TGFA: variants seen among roughly 807,000 people sequenced by gnomAD.
TGFA encodes the protein transforming growth factor alpha.
A neutral mutation model predicts 21.7 loss-of-function variants in TGFA; 12 were observed. The observed-to-expected ratio is 0.55, with a 90% CI of 0.35 to 0.90. The LOEUF is 0.90. Among genes scored for constraint, TGFA ranks in the 40% least tolerant of loss-of-function variants. The probability of loss-of-function intolerance (pLI) is 0.01; values close to 1 mark genes in which losing one functional copy is unlikely to be tolerated. For synonymous variants in TGFA, 79 were observed against 88.1 expected (o/e 0.90, Z 0.58); for missense variants, 178 against 210.8 (o/e 0.84, Z 0.96).
chr2:70,513,538 G>A (rs1158359996), intron 2 of TGFA, among the ~76,000 whole-genome samples: 1 of 152,132 alleles, frequency 6.6e-6, no homozygotes, highest in African/African-American at 2.4e-5. Context: ...AGTGGGACAG[G>A]CATTTTCTTC....
intron 5 of TGFA, among the ~76,000 whole-genome samples, chr2:70,452,346 T>C (rs1670083598): frequency 6.6e-6 from 1 of 152,196 alleles, no homozygotes; most frequent in Non-Finnish European, 1.5e-5. Context: ...ACAGAGCCAC[T>C]GATGCTCCGA....
intron 2 of TGFA, among the ~76,000 whole-genome samples, chr2:70,512,198 G>A (rs978504521): frequency 6.6e-6 from 1 of 152,124 alleles, no homozygotes; most frequent in South Asian, 2.1e-4. Flanking sequence ...TTTTCTCCTG[G>A]CCCAGCCCTC....
chr2:70,482,022 T>G (rs143017513), intron 2 of TGFA, among the ~76,000 whole-genome samples: 1 of 152,334 alleles, frequency 6.6e-6, no homozygotes, highest in Non-Finnish European at 1.5e-5. Flanking sequence ...TAATTTGTCA[T>G]ATAGCAATAA....
chr2:70,495,087 T>A (rs1553498159), intron 2 of TGFA, among the ~76,000 whole-genome samples: 2 of 152,242 alleles, frequency 1.3e-5, no homozygotes, highest in African/African-American at 2.4e-5. Context: ...AGTATTTCAA[T>A]CACCTAGAAC....
rs3771500 is a variant in TGFA at position 70,490,653 on chromosome 2, A to G, written c.94+24206T>C. On this transcript the variant is annotated intron_variant, in intron 2 of 5. Coordinates refer to ENST00000295400, the MANE Select transcript of TGFA (RefSeq NM_003236.4). Reference sequence around the variant, plus strand: ...CCAAAAAACACAAATGTCTTTCAGCATCATGTTGAGTAAATAATCAAGGGG... The same window carrying G: ...CCAAAAAACACAAATGTCTTTCAGCGTCATGTTGAGTAAATAATCAAGGGG... Among the ~76,000 whole-genome samples, 155 of 152,334 alleles carry G rather than the reference A, an allele frequency of 1.0e-3. 6 individuals are homozygous for G. In the East Asian group the frequency reaches 0.029, roughly 28 times the overall value.
chr2:70,490,853 C>T (rs891180781), intron 2 of TGFA, among the ~76,000 whole-genome samples: 49 of 152,038 alleles, frequency 3.2e-4, no homozygotes, highest in Middle Eastern at 3.2e-3. Context: ...TCCTGGAGTC[C>T]GCTTACAAAA....
At chr2:70,476,238 G>A (rs998824146) in intron 2 of TGFA, among the ~76,000 whole-genome samples, 1 of 152,066 alleles carries the variant, frequency 6.6e-6, no homozygotes, top group East Asian at 1.9e-4. Flanking sequence ...AAACCAGAAA[G>A]CCCCTTATTG....
intron 2 of TGFA, among the ~76,000 whole-genome samples, chr2:70,491,553 C>T (rs1671436423): frequency 6.6e-6 from 1 of 152,142 alleles, no homozygotes; most frequent in African/African-American, 2.4e-5. Context: ...AAGTTCATTC[C>T]CTTTATCTTT....
chr2:70,476,102 AAAAAAT>A (rs1394007636), intron 2 of TGFA, among the ~76,000 whole-genome samples: 4 of 150,958 alleles, frequency 2.6e-5, no homozygotes, highest in Non-Finnish European at 5.9e-5. Flanking sequence ...AAAAAAAAAA[AAAAAAT>A]TAAGAAAATT....
intron 2 of TGFA, among the ~76,000 whole-genome samples, chr2:70,495,228 G>C (rs1671543217): frequency 6.6e-6 from 1 of 152,214 alleles, no homozygotes; most frequent in South Asian, 2.1e-4. Context: ...TCACATGTCA[G>C]CTTATGCATA....
intron 1 of TGFA, among the ~76,000 whole-genome samples, chr2:70,541,144 T>C (rs1553505147): frequency 2.0e-5 from 3 of 152,246 alleles, no homozygotes; most frequent in Admixed American, 6.5e-5. Context: ...ATGCTGATAA[T>C]AACTCAGTGG....
chr2:70,490,074 A>G (rs149201966), intron 2 of TGFA, among the ~76,000 whole-genome samples: 283 of 152,356 alleles, frequency 1.9e-3, no homozygotes, highest in Non-Finnish European at 2.7e-3. Flanking sequence ...TGATTGTAAC[A>G]TATAGCAAAG....
At chr2:70,526,019 A>T (rs1322024693) in intron 1 of TGFA, among the ~76,000 whole-genome samples, 1 of 152,194 alleles carries the variant, frequency 6.6e-6, no homozygotes, top group African/African-American at 2.4e-5. Context: ...TTCCAACTGT[A>T]TATGGGCAGA....
chr2:70,529,599 C>A (rs970493589), intron 1 of TGFA, among the ~76,000 whole-genome samples: 1 of 151,454 alleles, frequency 6.6e-6, no homozygotes, highest in Admixed American at 6.6e-5. Context: ...CCCCCCGCCC[C>A]AGTCCTAGAA....
chr2:70,551,450 C>A (rs1673504374), intron 1 of TGFA, among the ~76,000 whole-genome samples: 1 of 152,216 alleles, frequency 6.6e-6, no homozygotes. Context: ...CTCCTAACAG[C>A]CAGTTCCTTC....
intron 2 of TGFA, among the ~76,000 whole-genome samples, chr2:70,501,960 C>T (rs1671750210): frequency 6.6e-6 from 1 of 152,252 alleles, no homozygotes; most frequent in South Asian, 2.1e-4. Context: ...CTTCCTCAAG[C>T]AAATGGTCCT....
intron 2 of TGFA, among the ~76,000 whole-genome samples, chr2:70,492,691 G>T (rs1401040871): frequency 6.6e-6 from 1 of 152,170 alleles, no homozygotes; most frequent in Non-Finnish European, 1.5e-5. Flanking sequence ...CTGAATTCGT[G>T]TAAAGTAGGG....
intron 1 of TGFA, among the ~76,000 whole-genome samples, chr2:70,529,588 T>TCC (rs149639655): frequency 0.033 from 4,765 of 146,382 alleles, 122 homozygotes; most frequent in African/African-American, 0.037. Flanking sequence ...GAGGAGTGAA[T>TCC]CCCCCCGCCC....
intron 2 of TGFA, among the ~76,000 whole-genome samples, chr2:70,490,769 C>G (rs1559117001): frequency 6.6e-6 from 1 of 152,174 alleles, no homozygotes. Flanking sequence ...ACGTTCTAGC[C>G]ACCTAGGCAG....
Sources: allele counts gnomAD v4.1 joint callset (sites outside exome capture counted in the v4.1 genomes callset), GRCh38; gene constraint gnomAD v4.1.1; transcripts MANE v1.5; gene names NCBI Gene and HGNC (gene_info 2026-07-23, HGNC 2026-07-21).